BSX: variants seen among roughly 807,000 people sequenced by gnomAD.
BSX encodes the protein brain specific homeobox, also known as brain-specific homeobox protein homolog.
A neutral mutation model predicts 16.9 loss-of-function variants in BSX; 12 were observed. The observed-to-expected ratio is 0.71, with a 90% CI of 0.46 to 1.15. BSX has a LOEUF of 1.15. BSX is among the 50% of genes most tolerant of loss of function. The pLI, the probability that BSX is intolerant of heterozygous loss-of-function variation, is 0.00. For synonymous variants in BSX, 160 were observed against 136.4 expected, an observed-to-expected ratio of 1.17 and a Z score of -1.20; for missense variants, 292 against 311.8, an observed-to-expected ratio of 0.94 and a Z score of 0.48.
intron 2 of BSX, among the ~76,000 whole-genome samples, chr11:122,978,235 C>A (rs189505449): frequency 6.6e-6 from 1 of 152,188 alleles, no homozygotes; most frequent in Non-Finnish European, 1.5e-5. Flanking sequence ...CCGCAAGACT[C>A]CTGGACAAGA....
Position 122,977,825 on chromosome 11 carries a change from G to C in BSX, c.526C>G (p.Pro176Ala). The C allele has an allele frequency of 6.2e-7, 1 of 1,613,982 alleles. No homozygotes were observed. The highest frequency in any genetic ancestry group is 8.5e-7 in the Non-Finnish European group (1 of 1,179,928). The change falls in exon 3 of 3, where the codon CCC (proline) becomes GCC (alanine). Residue 176 changes from proline (P) to alanine (A), a missense_variant. Coordinates refer to ENST00000343035, the MANE Select transcript of BSX (RefSeq NM_001098169.2). This position sits in a 1 kb window ranked among gnomAD's most constrained non-coding sequence, Gnocchi z 4.5. Reference protein sequence around the residue: ...KKQLRKSQDEPKAPDGPESPE... With the variant: ...KKQLRKSQDEAKAPDGPESPE... Reference sequence around the variant, plus strand: ...CTTTCTGGCCCGTCTGGTGCTTTGGGTTCGTCTTGGCTTTTCCGCAGTTGC... The same window carrying C: ...CTTTCTGGCCCGTCTGGTGCTTTGGCTTCGTCTTGGCTTTTCCGCAGTTGC...
intron 2 of BSX, among the ~76,000 whole-genome samples, chr11:122,978,225 C>G (rs985952136): frequency 6.6e-6 from 1 of 152,210 alleles, no homozygotes; most frequent in African/African-American, 2.4e-5. Flanking sequence ...ACCACCTGAT[C>G]CGCAAGACTC....
At chr11:122,978,722 G>C (rs1864527944) in intron 2 of BSX, among the ~76,000 whole-genome samples, 1 of 151,384 alleles carries the variant, frequency 6.6e-6, no homozygotes, top group African/African-American at 2.4e-5. Context: ...CCAGAGCCCC[G>C]CTCGAGAAAT....
At chr11:122,980,070 C>T (rs1384852465) in intron 1 of BSX, among the ~76,000 whole-genome samples, 1 of 152,212 alleles carries the variant, frequency 6.6e-6, no homozygotes, top group African/African-American at 2.4e-5. Context: ...GAGCATTTCT[C>T]GCCTCTCACG....
rs536130658 is a variant in BSX at position 122,980,613 on chromosome 11, A to T, written c.262+797T>A. Among the ~76,000 whole-genome samples, 7 of 152,200 alleles carry T rather than the reference A, an allele frequency of 4.6e-5. No homozygotes were observed. In the South Asian group the frequency reaches 1.5e-3, roughly 32 times the overall value. On this transcript the variant is annotated intron_variant, in intron 1 of 2. Coordinates refer to ENST00000343035, the MANE Select transcript of BSX (RefSeq NM_001098169.2). ...CTAGATTGAAAACGCCAGAGAAAAA[A>T]CCATGGATGTGGCCTTTCAGAGGGA...
Position 122,981,826 on chromosome 11 carries a change from CAAG to C in BSX, c.-158_-156del. On this transcript the variant is annotated 5_prime_UTR_variant, in exon 1 of 3. Coordinates refer to ENST00000343035, the MANE Select transcript of BSX (RefSeq NM_001098169.2). ...TGGGCTACCCCGGGCGCTGGAGAGG[CAAG>C]AAGACAAGCTCCTGGGTAGGTTGGG... 16 of 708,712 alleles carry C rather than the reference CAAG, an allele frequency of 2.3e-5. No homozygotes were observed. Among genetic ancestry groups the C allele is most frequent in the Non-Finnish European group, 3.6e-5 (16 of 446,472 alleles). The allele number at this position is 708,712 out of a possible 1,614,324, so 43.9% of individuals were successfully genotyped here.
rs772444026 is a variant in BSX at position 122,981,625 on chromosome 11, C to T, written c.47G>A (p.Arg16Lys). 5 of 1,598,400 alleles carry T rather than the reference C, an allele frequency of 3.1e-6. No homozygotes were observed. In the African/African-American group the frequency reaches 4.0e-5, roughly 13 times the overall value. ...GTCCTCGATGAAGAAGGATGTGGGC[C>T]TCTGAGAAGACGCCGGGTGTAGAGG... ...TSPLHPASSQ[R>K]PTSFFIEDIL... The change falls in exon 1 of 3, where the codon AGG becomes AAG. Residue 16 changes from arginine to lysine, a missense_variant. Coordinates refer to ENST00000343035, the MANE Select transcript of BSX (RefSeq NM_001098169.2).
intron 1 of BSX, among the ~76,000 whole-genome samples, 174 bp from the exon 2 acceptor site, chr11:122,979,631 GA>G (rs3057446): frequency 0.016 from 1,935 of 123,338 alleles, 23 homozygotes; most frequent in East Asian, 0.073. Context: ...GGCAGAGGAA[GA>G]AAAAAAAAAA....
rs376150216 is a variant in BSX, at chr11:122,977,621, T to C, written c.*28A>G. 1.3e-6 allele frequency: 2 copies of C among 1,592,848 alleles called. No homozygotes were observed. Among genetic ancestry groups the C allele is most frequent in the African/African-American group, 2.7e-5 (2 of 74,556 alleles). On this transcript the variant is annotated 3_prime_UTR_variant, in exon 3 of 3. Transcript: ENST00000343035. The surrounding 1 kb of genome is among the most constrained non-coding windows in gnomAD (Gnocchi z 4.5). ...CGCTCGGCCCCGCAGTCTCCTCCCCTGCCTACTACCCTCCCCAGCCTGGCG... is the reference window on the plus strand; with the variant it reads ...CGCTCGGCCCCGCAGTCTCCTCCCCCGCCTACTACCCTCCCCAGCCTGGCG...
intron 1 of BSX, 53 bp from the exon 2 acceptor site, chr11:122,979,510 T>TCTCCG (rs367772052): frequency 1.2e-5 from 18 of 1,511,208 alleles, no homozygotes; most frequent in Non-Finnish European, 1.6e-5. Context: ...CGGAGAGCAA[T>TCTCCG]CTCCGCTCCG....
At position 122,979,435 on chromosome 11, in the gene BSX, G is replaced by C. The variant is rs750290566; in HGVS notation, c.285C>G (p.Phe95Leu). The C allele has an allele frequency of 1.2e-6, 2 of 1,612,872 alleles. No homozygotes were observed. The highest frequency in any genetic ancestry group is 2.2e-5 in the South Asian group (2 of 91,026). Residue 95 changes from phenylalanine (F) to leucine (L), a missense_variant, in exon 2 of 3, where the codon TTC becomes TTG. Transcript: ENST00000343035. ...TTSGMPVPALFPHPQHAELPG... is the reference protein window; with the variant it reads ...TTSGMPVPALLPHPQHAELPG... ...GCAGCTCCGCGTGCTGCGGGTGCGG[G>C]AACAGCGCTGGGACTGGCATCCCTG...
Position 122,981,592 on chromosome 11 carries a change from A to C in BSX, c.80T>G (p.Leu27Arg), listed in dbSNP as rs1167419308. ...PTSFFIEDIL[L>R]HKPKPLREVA... ...CTCTCTCAGCGGCTTGGGCTTGTGC[A>C]GCAGGATGTCCTCGATGAAGAAGGA... Residue 27 changes from leucine to arginine, a missense_variant, in exon 1 of 3, where the codon CTG (leucine) becomes CGG (arginine). This residue lies in a region of BSX where 176 missense variants were observed against 187.2 expected (regional missense o/e 0.94). Coordinates refer to ENST00000343035, the MANE Select transcript of BSX (RefSeq NM_001098169.2). 2 of 1,599,004 alleles carry C rather than the reference A, an allele frequency of 1.3e-6. No homozygotes were observed. The highest frequency in any genetic ancestry group is 1.7e-6 in the Non-Finnish European group (2 of 1,173,106).
intron 2 of BSX, 101 bp downstream of exon 2, chr11:122,979,160 G>A (rs1864537461): frequency 1.8e-6 from 2 of 1,112,514 alleles, no homozygotes; most frequent in South Asian, 3.1e-5. Flanking sequence ...GCGTCAGCGG[G>A]GTCTATTTCT....
chr11:122,979,449 C>A lies in BSX; in HGVS notation c.271G>T (p.Val91Phe). The part of the protein sequence containing the change: ...PYFLTTSGMP[V>F]PALFPHPQHA... ...TGCGGGTGCGGGAACAGCGCTGGGA[C>A]TGGCATCCCTGCAGAGAGAAGAGCA... Residue 91 changes from valine (V) to phenylalanine (F), a missense_variant, in exon 2 of 3, where the codon GTC becomes TTC. Val to Phe is a conservative substitution (Grantham distance 50). Transcript: ENST00000343035. 1 of 1,611,090 alleles carries A rather than the reference C, an allele frequency of 6.2e-7. No individual in the cohort carries two copies. Among genetic ancestry groups the A allele is most frequent in the Non-Finnish European group, 8.5e-7 (1 of 1,179,426 alleles).
chr11:122,978,267 G>A (rs961304490), intron 2 of BSX, among the ~76,000 whole-genome samples: 1 of 152,196 alleles, frequency 6.6e-6, no homozygotes, highest in Admixed American at 6.5e-5. Flanking sequence ...GAAACTCCGC[G>A]TTCTCATCGG....
chr11:122,977,857 T>A lies in BSX; in HGVS notation c.494A>T (p.His165Leu). ...KTWFQNRRMK[H>L]KKQLRKSQDE... ...TTGGCTTTTCCGCAGTTGCTTTTTA[T>A]GCTTCATCCGCCGGTTCTGGAACCA... Residue 165 changes from histidine to leucine, a missense_variant, in exon 3 of 3, where the codon CAT becomes CTT. His to Leu is a moderately conservative substitution (Grantham distance 99). Coordinates refer to ENST00000343035, the MANE Select transcript of BSX (RefSeq NM_001098169.2). The surrounding 1 kb of genome is among the most constrained non-coding windows in gnomAD (Gnocchi z 4.5). The A allele has an allele frequency of 6.2e-7, 1 of 1,613,980 alleles. No homozygotes were observed. The highest frequency in any genetic ancestry group is 8.5e-7 in the Non-Finnish European group (1 of 1,179,956).
At chr11:122,980,008 A>T (rs1864549802) in intron 1 of BSX, among the ~76,000 whole-genome samples, 1 of 152,176 alleles carries the variant, frequency 6.6e-6, no homozygotes, top group Admixed American at 6.5e-5. Context: ...CCCTGCAGCC[A>T]AAGGGAGAGC....
chr11:122,977,894 G>C lies in BSX; in HGVS notation c.460-3C>G. ...CGGTTCTGGAACCACGTTTTCACCT[G>C]ATTTCGGGGAGATAAAAATAAAATC... On this transcript the variant is annotated splice_polypyrimidine_tract_variant and splice_region_variant and intron_variant, in intron 2 of 2. Coordinates refer to ENST00000343035, the MANE Select transcript of BSX (RefSeq NM_001098169.2). This position sits in a 1 kb window ranked among gnomAD's most constrained non-coding sequence, Gnocchi z 4.5. 1 of 1,613,282 alleles carries C rather than the reference G, an allele frequency of 6.2e-7. No individual in the cohort carries two copies.
rs758687641 is a variant in BSX at position 122,977,916 on chromosome 11, A to T, written c.460-25T>A. 6.2e-7 allele frequency: 1 copy of T among 1,611,498 alleles called. No homozygotes were observed. Among genetic ancestry groups the T allele is most frequent in the Admixed American group, 1.7e-5 (1 of 59,918 alleles). On this transcript the variant is annotated intron_variant, in intron 2 of 2. Transcript: ENST00000343035. The surrounding 1 kb of genome is among the most constrained non-coding windows in gnomAD (Gnocchi z 4.5). ...CCTGATTTCGGGGAGATAAAAATAA[A>T]ATCATGTCATTCCTCCAAATCTGAG... is the stretch of plus-strand genomic sequence containing the variant.
Sources: allele counts gnomAD v4.1 joint callset (sites outside exome capture counted in the v4.1 genomes callset), GRCh38; gene constraint gnomAD v4.1.1; regional missense constraint gnomAD v4.1.1; non-coding constraint Gnocchi (gnomAD v3.1); transcripts MANE v1.5; gene names NCBI Gene and HGNC (gene_info 2026-07-23, HGNC 2026-07-21).